The following DLC1 variants were observed in gnomAD, a reference collection of about 807,000 sequenced individuals.
DLC1 encodes rho GTPase-activating protein 7.
DLC1 carries 54 observed loss-of-function variants against 140.3 expected under a neutral mutation model. That is an observed-to-expected ratio of 0.38 (90% confidence interval 0.31 to 0.48). The LOEUF (loss-of-function observed/expected upper bound fraction) is 0.48. Ranked by LOEUF, DLC1 falls within the 20% of genes least tolerant of loss-of-function variation. The pLI, the probability that DLC1 is intolerant of heterozygous loss-of-function variation, is 0.96. For synonymous variants in DLC1, 986 were observed against 728.1 expected (o/e 1.35, Z -5.70); for missense variants, 2,536 against 1,907.0 (o/e 1.33, Z -6.14).
At chr8:13,534,821 T>C (rs796337633) in intron 1 of DLC1, among the ~76,000 whole-genome samples, 5 of 152,290 alleles carry the variant, frequency 3.3e-5, no homozygotes, top group African/African-American at 1.2e-4. Context: ...TTTAAAAGTT[T>C]TACTCTTGCA....
intron 8 of DLC1, 90 bp from the exon 9 acceptor site, chr8:13,100,860 G>C (rs1819019371): frequency 2.4e-6 from 3 of 1,247,968 alleles, no homozygotes; most frequent in Non-Finnish European, 3.2e-6. Flanking sequence ...TAATATGCCA[G>C]TAGTATCAAT....
chr8:13,570,691 A>T (rs1804622103), intron 1 of DLC1, among the ~76,000 whole-genome samples: 1 of 151,648 alleles, frequency 6.6e-6, no homozygotes, highest in South Asian at 2.1e-4. Context: ...AATCCAGTCT[A>T]TGATTGTTGG....
chr8:13,520,802 C>T lies in DLC1; in HGVS notation c.-125-20606G>A, dbSNP rs192814685. Among the ~76,000 whole-genome samples the T allele has an allele frequency of 3.5e-3, 531 of 152,146 alleles. 1 individual carries two copies. Among genetic ancestry groups the T allele is most frequent in the African/African-American group, 0.012 (495 of 41,518 alleles). On this transcript the variant is annotated intron_variant, in intron 1 of 1. Coordinates refer to the DLC1 transcript ENST00000631382. The stretch of plus-strand genomic sequence containing the variant: ...TAGAGAGGTCTGTGTGTGCCCTGCC[C>T]ATAGAGGCTGAGGCTCTTCCTCTGT...
At chr8:13,438,429 GA>G (rs1839219001) in intron 2 of DLC1, among the ~76,000 whole-genome samples, 1 of 151,938 alleles carries the variant, frequency 6.6e-6, no homozygotes, top group East Asian at 1.9e-4. Context: ...AATCAGTTTT[GA>G]AAAAAATAGC....
At chr8:13,428,886 G>A (rs901078575) in intron 2 of DLC1, among the ~76,000 whole-genome samples, 2 of 152,178 alleles carry the variant, frequency 1.3e-5, no homozygotes, top group Non-Finnish European at 2.9e-5. Context: ...TTATAGAAGA[G>A]ACCTAAGTAG....
intron 5 of DLC1, among the ~76,000 whole-genome samples, chr8:13,239,579 G>A (rs1318831351): frequency 6.6e-6 from 1 of 152,144 alleles, no homozygotes; most frequent in African/African-American, 2.4e-5. Context: ...CTAGGATCCA[G>A]GCCAATATTA....
chr8:13,390,651 C>G lies in DLC1; in HGVS notation c.1314+2902G>C, dbSNP rs542984624. On this transcript the variant is annotated intron_variant, in intron 4 of 17. Coordinates refer to ENST00000276297, the MANE Select transcript of DLC1 (RefSeq NM_182643.3). ...ACCACCATGGCACACGTATGCATACCTATGTAACAAACCTGCACGTTCTGC... is the reference window on the plus strand; with the variant it reads ...ACCACCATGGCACACGTATGCATACGTATGTAACAAACCTGCACGTTCTGC... 8.5e-5 allele frequency among the ~76,000 whole-genome samples: 13 copies of G among 152,240 alleles called. 1 individual carries two copies. The South Asian group carries it at 2.7e-3, about 32-fold the overall frequency.
At chr8:13,255,743 C>T (rs950400635) in intron 5 of DLC1, among the ~76,000 whole-genome samples, 1 of 152,124 alleles carries the variant, frequency 6.6e-6, no homozygotes, top group African/African-American at 2.4e-5. Context: ...GATCACTTTC[C>T]GTCCAATACC....
intron 1 of DLC1, chr8:13,566,893 G>A (rs886253902): frequency 5.7e-6 from 8 of 1,401,164 alleles, no homozygotes; most frequent in Admixed American, 5.8e-5. Flanking sequence ...AGAGCTGATG[G>A]CATTGAGATC....
At chr8:13,092,875 A>G (rs1229780298) in intron 12 of DLC1, 50 bp from the exon 13 acceptor site, 4 of 1,569,190 alleles carry the variant, frequency 2.5e-6, no homozygotes, top group East Asian at 4.6e-5. Flanking sequence ...TTGCATGGAC[A>G]TTGCAAGGAA....
chr8:13,194,876 G>A (rs966763064), intron 5 of DLC1, among the ~76,000 whole-genome samples: 1 of 152,078 alleles, frequency 6.6e-6, no homozygotes. Context: ...TGGGTGTGGT[G>A]GCATGCGCCT....
chr8:13,171,430 T>C (rs938290137), intron 5 of DLC1, among the ~76,000 whole-genome samples: 2 of 148,820 alleles, frequency 1.3e-5, no homozygotes, highest in South Asian at 4.5e-4. Context: ...TCACTCAGAC[T>C]GGAGTGCTGT....
chr8:13,279,599 C>T (rs1449296002), intron 5 of DLC1, among the ~76,000 whole-genome samples: 3 of 152,182 alleles, frequency 2.0e-5, no homozygotes, highest in South Asian at 2.1e-4. Flanking sequence ...GTAGAGCTGA[C>T]AATTTGGCCT....
intron 5 of DLC1, among the ~76,000 whole-genome samples, chr8:13,223,824 C>G (rs918862212): frequency 1.3e-5 from 2 of 152,148 alleles, no homozygotes; most frequent in African/African-American, 4.8e-5. Context: ...TACCTTCATA[C>G]TGTTTTTAAT....
At chr8:13,278,702 G>A (rs1298600581) in intron 5 of DLC1, among the ~76,000 whole-genome samples, 2 of 152,118 alleles carry the variant, frequency 1.3e-5, no homozygotes, top group African/African-American at 4.8e-5. Flanking sequence ...ACAGCTGATT[G>A]TCTGAGTCGT....
chr8:13,521,456 C>T (rs1158939155), intron 1 of DLC1, among the ~76,000 whole-genome samples: 1 of 152,068 alleles, frequency 6.6e-6, no homozygotes, highest in Non-Finnish European at 1.5e-5. Context: ...AGCCCACAGT[C>T]TTCAGCTTCT....
intron 5 of DLC1, among the ~76,000 whole-genome samples, chr8:13,294,841 G>C (rs775266006): frequency 2.0e-5 from 3 of 152,164 alleles, no homozygotes; most frequent in Non-Finnish European, 2.9e-5. Flanking sequence ...GAGCCTCTCT[G>C]AGTCTCAGGT....
chr8:13,211,329 T>C lies in DLC1; in HGVS notation c.1348+93940A>G, dbSNP rs1827931273. 2.6e-5 allele frequency among the ~76,000 whole-genome samples: 4 copies of C among 152,064 alleles called. No individual in the cohort carries two copies. The South Asian group carries it at 6.2e-4, about 24-fold the overall frequency. On this transcript the variant is annotated intron_variant, in intron 5 of 17. Transcript: ENST00000276297. ...TTTGCCTAGGGGTAGCCCTGCTCTG[T>C]CTATGGAGCACCGTTTTGCTGTACT...
chr8:13,419,111 T>G (rs919080530), intron 2 of DLC1, among the ~76,000 whole-genome samples: 1 of 152,176 alleles, frequency 6.6e-6, no homozygotes, highest in Non-Finnish European at 1.5e-5. Context: ...AAGGAGATTT[T>G]GGGCTGATAC....
Sources: gnomAD v4.1 joint callset for allele counts (sites outside exome capture counted in the v4.1 genomes callset) on GRCh38, gnomAD v4.1.1 for gene constraint, MANE v1.5 for transcripts, NCBI Gene and HGNC (gene_info 2026-07-23, HGNC 2026-07-21) for gene names.